SLC38A8: variants seen among roughly 807,000 people sequenced by gnomAD.
SLC38A8 encodes amino acid transporter SLC38A8.
A neutral mutation model predicts 46.0 loss-of-function variants in SLC38A8; 65 were observed. That is an observed-to-expected ratio of 1.41 (90% CI 1.16 to 1.74). The LOEUF (loss-of-function observed/expected upper bound fraction) is 1.74. Among genes scored for constraint, SLC38A8 ranks in the 40% most tolerant of loss-of-function variants. SLC38A8 has a pLI of 0.00. For missense variants in SLC38A8, 998 were observed against 567.9 expected (o/e 1.76, Z -7.70); for synonymous variants, 447 against 243.7 (o/e 1.83, Z -7.77).
intron 7 of SLC38A8, among the ~76,000 whole-genome samples, chr16:84,021,862 G>C (rs1353002329): frequency 6.6e-6 from 1 of 152,248 alleles, no homozygotes; most frequent in African/African-American, 2.4e-5. Flanking sequence ...CTTCTTGCCG[G>C]AGGGGACTTT....
Position 84,042,151 on chromosome 16 carries a change from C to T in SLC38A8, c.7G>A (p.Gly3Arg), listed in dbSNP as rs2085375578. The change falls in exon 2 of 11, where the codon GGA becomes AGA. Residue 3 changes from glycine (G) to arginine (R), a missense_variant. By Grantham distance (125) the Gly-to-Arg change is moderately radical (BLOSUM62 -2). Coordinates refer to ENST00000299709, the MANE Select transcript of SLC38A8 (RefSeq NM_001080442.3). ME[G>R]QTPGSRGLPE... ...AGGCCCCTGCTTCCTGGGGTCTGTC[C>T]CTCCATGGCTAGAGGCGGCAGAGGG... 1 of 1,610,258 alleles carries T rather than the reference C, an allele frequency of 6.2e-7. No homozygotes were observed. Among genetic ancestry groups the T allele is most frequent in the Admixed American group, 1.7e-5 (1 of 59,290 alleles).
intron 5 of SLC38A8, 145 bp downstream of exon 5, chr16:84,031,722 C>T: frequency 1.4e-6 from 1 of 696,830 alleles, no homozygotes; most frequent in Non-Finnish European, 2.4e-6. Context: ...CTTGCCTTCA[C>T]CGCATCAGAG....
At position 84,033,435 on chromosome 16, in the gene SLC38A8, G is replaced by A. The variant is rs781114677; in HGVS notation, c.423C>T (p.Ala141=). The A allele has an allele frequency of 1.2e-6, 2 of 1,611,176 alleles. No homozygotes were observed. Among genetic ancestry groups the A allele is most frequent in the Non-Finnish European group, 1.7e-6 (2 of 1,178,800 alleles). ...CDSLLSGTPP[A]PQPWYADQRF... is the part of the protein sequence containing the mutation. ...GCTGGTCTGCGTACCACGGCTGCGG[G>A]GCGGGCGGGGTGCCAGACAGGAGGG... The change falls in exon 4 of 11, where the codon GCC becomes GCT. Residue 141 remains alanine, a synonymous_variant. Transcript: ENST00000299709.
chr16:84,026,251 A>G (rs1411272355), intron 6 of SLC38A8, among the ~76,000 whole-genome samples: 1 of 146,556 alleles, frequency 6.8e-6, no homozygotes. Context: ...TTTTTTTGAG[A>G]CAGAGTCTCG....
Position 84,022,821 on chromosome 16 carries a change from C to A in SLC38A8, c.759G>T (p.Val253=), listed in dbSNP as rs2085110574. The A allele has an allele frequency of 6.2e-7, 1 of 1,613,426 alleles. No homozygotes were observed. The highest frequency in any genetic ancestry group is 8.5e-7 in the Non-Finnish European group (1 of 1,179,812). ...RKRSLSHWAL[V]SVLSLLACCL... is the part of the protein sequence containing the mutation. Reference sequence around the variant, plus strand: ...AGCAGGCCAGCAAGGACAGCACAGACACCAGGGCCCAGTGGGAGAGGCTCC... The same window carrying A: ...AGCAGGCCAGCAAGGACAGCACAGAAACCAGGGCCCAGTGGGAGAGGCTCC... Residue 253 remains valine, a synonymous_variant, in exon 7 of 11, where the codon GTG becomes GTT. Transcript: ENST00000299709.
In SLC38A8 at chr16:84,009,691, G is replaced by A; in HGVS notation, c.*93C>T. 9.2e-7 allele frequency: 1 copy of A among 1,086,690 alleles called. No individual in the cohort carries two copies. The allele number at this position is 1,086,690 out of a possible 1,614,324, so 67.3% of individuals were successfully genotyped here. A position where few individuals can be genotyped will look rare whatever the true frequency, so the allele number is the denominator to read the frequency against. On this transcript the variant is annotated 3_prime_UTR_variant, in exon 11 of 11. Coordinates refer to ENST00000299709, the MANE Select transcript of SLC38A8 (RefSeq NM_001080442.3). ...ATCAGTCTCTCCAGCATCTTTATGA[G>A]GAAAAGAAATGGCATCGGTCTCCTG...
chr16:84,033,679 G>A (rs190983357), intron 3 of SLC38A8, among the ~76,000 whole-genome samples: 3 of 152,230 alleles, frequency 2.0e-5, no homozygotes, highest in East Asian at 1.9e-4. Context: ...ACAAACATTC[G>A]CTGGGCTCCT....
chr16:84,014,729 A>AG (rs2085004726), intron 9 of SLC38A8, among the ~76,000 whole-genome samples: 2 of 152,224 alleles, frequency 1.3e-5, no homozygotes, highest in African/African-American at 4.8e-5. Context: ...GAGCTGGGGC[A>AG]GGTACGGTTA....
rs960797434 is a variant in SLC38A8, at chr16:84,032,049, C to A, written c.531-81G>T. ...ACGGGGACAGTAGTGGGATCTGAATCCCAGCTCCGCCCTTGACAATGAGGT... is the reference window on the plus strand; with the variant it reads ...ACGGGGACAGTAGTGGGATCTGAATACCAGCTCCGCCCTTGACAATGAGGT... On this transcript the variant is annotated intron_variant, in intron 4 of 10. Coordinates refer to ENST00000299709, the MANE Select transcript of SLC38A8 (RefSeq NM_001080442.3). 6.4e-5 allele frequency: 76 copies of A among 1,194,044 alleles called. No individual in the cohort carries two copies. The Admixed American group carries it at 1.4e-3, about 21-fold the overall frequency. The allele number at this position is 1,194,044 out of a possible 1,614,324, so 74.0% of individuals were successfully genotyped here. A position where few individuals can be genotyped will look rare whatever the true frequency, so the allele number is the denominator to read the frequency against.
At chr16:84,016,870 C>G in intron 8 of SLC38A8, 143 bp from the exon 9 acceptor site, 3 of 1,079,792 alleles carry the variant, frequency 2.8e-6, no homozygotes, top group South Asian at 1.6e-5. Flanking sequence ...CCCAGGAGAC[C>G]TTGCCAACCC....
At position 84,033,445 on chromosome 16, in the gene SLC38A8, G is replaced by C; in HGVS notation, c.413C>G (p.Thr138Ser). 1 of 1,609,508 alleles carries C rather than the reference G, an allele frequency of 6.2e-7. No homozygotes were observed. Among genetic ancestry groups the C allele is most frequent in the Non-Finnish European group, 8.5e-7 (1 of 1,178,020 alleles). Residue 138 changes from threonine to serine, a missense_variant, in exon 4 of 11, where the codon ACC (threonine) becomes AGC (serine). Transcript: ENST00000299709. ...GTACCACGGCTGCGGGGCGGGCGGG[G>C]TGCCAGACAGGAGGGAGTCACACAC... The part of the protein sequence containing the change: ...EKLCDSLLSG[T>S]PPAPQPWYAD...
intron 6 of SLC38A8, among the ~76,000 whole-genome samples, chr16:84,024,836 C>T (rs572810360): frequency 2.9e-4 from 44 of 152,226 alleles, no homozygotes; most frequent in African/African-American, 1.0e-3. Context: ...ATTACAGGCA[C>T]GCCCAGCTAA....
intron 6 of SLC38A8, among the ~76,000 whole-genome samples, chr16:84,025,492 C>T (rs1171396655): frequency 1.4e-5 from 2 of 146,522 alleles, no homozygotes; most frequent in Non-Finnish European, 2.9e-5. Flanking sequence ...GGTTTGTCTA[C>T]TCAGCGTCTC....
At chr16:84,010,375 G>A (rs890209980) in intron 10 of SLC38A8, among the ~76,000 whole-genome samples, 2 of 151,982 alleles carry the variant, frequency 1.3e-5, no homozygotes, top group Non-Finnish European at 2.9e-5. Flanking sequence ...CTGGCCGCAA[G>A]CAGTTTTTAA....
At chr16:84,022,697 C>G in intron 7 of SLC38A8, 78 bp downstream of exon 7, 1 of 1,138,352 alleles carries the variant, frequency 8.8e-7, no homozygotes, top group Non-Finnish European at 1.3e-6. Flanking sequence ...GGTAAACTCT[C>G]TAGAGAGATA....
chr16:84,022,723 G>A (rs972211225), intron 7 of SLC38A8, 52 bp downstream of exon 7: 106 of 1,326,602 alleles, frequency 8.0e-5, no homozygotes, highest in Non-Finnish European at 1.1e-4. Flanking sequence ...TGTTACTCTT[G>A]TTTCTACTGT....
At chr16:84,031,389 CA>C (rs2085236203) in intron 5 of SLC38A8, among the ~76,000 whole-genome samples, 1 of 152,210 alleles carries the variant, frequency 6.6e-6, no homozygotes, top group South Asian at 2.1e-4. Context: ...CTGCTGTACT[CA>C]AAACACTGCC....
chr16:84,019,682 C>T (rs2085073117), intron 7 of SLC38A8, among the ~76,000 whole-genome samples: 2 of 152,316 alleles, frequency 1.3e-5, no homozygotes, highest in African/African-American at 4.8e-5. Context: ...GCTCCAGCAC[C>T]AACTCAGAGG....
chr16:84,032,062 T>G (rs1335489081), intron 4 of SLC38A8, 94 bp from the exon 5 acceptor site: 14 of 1,101,304 alleles, frequency 1.3e-5, no homozygotes, highest in Non-Finnish European at 1.6e-5. Context: ...AGCTCCGCCC[T>G]TGACAATGAG....
Sources: gnomAD v4.1 joint callset for allele counts (sites outside exome capture counted in the v4.1 genomes callset) on GRCh38, gnomAD v4.1.1 for gene constraint, MANE v1.5 for transcripts, NCBI Gene and HGNC (gene_info 2026-07-23, HGNC 2026-07-21) for gene names.